Variants in RIMS2 observed in about 807,000 individuals in gnomAD.
The protein encoded by RIMS2 is regulating synaptic membrane exocytosis 2.
Under a neutral mutation model 174.4 loss-of-function variants are expected in RIMS2, and 59 were observed. The ratio of observed to expected loss-of-function variants is 0.34; its 90% CI spans 0.27 to 0.42. The LOEUF (loss-of-function observed/expected upper bound fraction) is 0.42, where lower values mean the gene tolerates loss of function less well. Among genes scored for constraint, RIMS2 ranks in the 10% least tolerant of loss-of-function variants. RIMS2 has a pLI of 1.00. For synonymous variants in RIMS2, 606 were observed against 572.5 expected (o/e 1.06, Z -0.84); for missense variants, 1,620 against 1,666.3 (o/e 0.97, Z 0.48).
At chr8:103,854,615 G>C (rs1016465635) in intron 3 of RIMS2, among the ~76,000 whole-genome samples, 5 of 151,724 alleles carry the variant, frequency 3.3e-5, no homozygotes, top group African/African-American at 1.2e-4. Context: ...TGCATCTATT[G>C]AGATGAACAT....
At chr8:104,151,565 C>A (rs1390445182) in intron 19 of RIMS2, among the ~76,000 whole-genome samples, 1 of 141,524 alleles carries the variant, frequency 7.1e-6, no homozygotes, top group South Asian at 2.5e-4. Context: ...GAGACTCTGT[C>A]CTGCACTCCC....
chr8:103,510,186 C>A (rs1363767779), intron 1 of RIMS2, among the ~76,000 whole-genome samples: 1 of 152,094 alleles, frequency 6.6e-6, no homozygotes, highest in African/African-American at 2.4e-5. Context: ...AAAGGATACA[C>A]TAAACAATAT....
chr8:104,230,955 G>C (rs1001367691), intron 19 of RIMS2, among the ~76,000 whole-genome samples: 5 of 152,018 alleles, frequency 3.3e-5, no homozygotes, highest in Admixed American at 2.6e-4. Flanking sequence ...ATTTTAAAAT[G>C]TTGGCACATG....
chr8:103,585,295 T>C (rs2093848589), intron 1 of RIMS2, among the ~76,000 whole-genome samples: 1 of 151,884 alleles, frequency 6.6e-6, no homozygotes. Flanking sequence ...TTGGTGGGAG[T>C]GTAAATTAGT....
intron 17 of RIMS2, among the ~76,000 whole-genome samples, chr8:104,012,358 T>C (rs1262048484): frequency 1.1e-4 from 16 of 148,790 alleles, no homozygotes; most frequent in Non-Finnish European, 1.9e-4. Context: ...TTTTTTCTTT[T>C]TTTTTTTTTT....
In RIMS2 at chr8:103,602,233, C is replaced by T. The variant is rs565067687; in HGVS notation, c.177-94853C>T. 9.9e-5 allele frequency among the ~76,000 whole-genome samples: 15 copies of T among 152,180 alleles called. 1 individual carries two copies. The highest frequency in any genetic ancestry group is 4.2e-4 in the South Asian group (2 of 4,814). On this transcript the variant is annotated intron_variant, in intron 1 of 23. Coordinates refer to ENST00000504942, the Ensembl canonical transcript of RIMS2. ...CAATCTCCTGACCTCATGATCCGCC[C>T]GCCTCGGCCTCCCAAAGTACTGGGA... is the stretch of plus-strand genomic sequence containing the variant.
chr8:103,786,906 A>G (rs533485029), intron 3 of RIMS2, among the ~76,000 whole-genome samples: 9 of 151,902 alleles, frequency 5.9e-5, no homozygotes, highest in African/African-American at 1.9e-4. Flanking sequence ...GTGGGAGTCT[A>G]AGTCTCTTTG....
intron 3 of RIMS2, among the ~76,000 whole-genome samples, chr8:103,875,618 A>C (rs543974750): frequency 1.3e-5 from 2 of 152,078 alleles, no homozygotes; most frequent in South Asian, 4.1e-4. Context: ...CTTTGGATAG[A>C]TACTCTCAGT....
At chr8:103,943,026 A>C in intron 14 of RIMS2, 100 bp downstream of exon 16, 1 of 849,450 alleles carries the variant, frequency 1.2e-6, no homozygotes, top group Non-Finnish European at 1.8e-6. Flanking sequence ...GAATATTAAT[A>C]GTCATTTGTT....
intron 1 of RIMS2, among the ~76,000 whole-genome samples, chr8:103,544,612 G>A (rs911750173): frequency 3.3e-5 from 5 of 152,220 alleles, no homozygotes; most frequent in Non-Finnish European, 5.9e-5. Flanking sequence ...CCTGAACTCT[G>A]TGTGCAGCCA....
chr8:103,964,820 T>G (rs550960790), intron 15 of RIMS2, among the ~76,000 whole-genome samples: 2 of 152,344 alleles, frequency 1.3e-5, no homozygotes, highest in Admixed American at 6.5e-5. Context: ...ACATATCTGA[T>G]GCATTTTTGA....
At chr8:104,223,462 G>A (rs1349897246) in intron 19 of RIMS2, 1 of 1,375,858 alleles carries the variant, frequency 7.3e-7, no homozygotes, top group Admixed American at 3.4e-5. Flanking sequence ...CAATAAATTG[G>A]AGGTCCCGGC....
chr8:103,766,096 T>C lies in RIMS2; in HGVS notation c.388-131T>C, dbSNP rs575348074. 4.5e-5 allele frequency: 25 copies of C among 559,556 alleles called. No homozygotes were observed. In the South Asian group the frequency reaches 6.9e-4, roughly 15 times the overall value. 34.7% of individuals were successfully genotyped at this position (559,556 alleles called of 1,614,324 possible). ...TATATTATTTAATTTACAGTAGCAGTGAATTAGGATTATGTTTTAACTTCA... is the reference window on the plus strand; with the variant it reads ...TATATTATTTAATTTACAGTAGCAGCGAATTAGGATTATGTTTTAACTTCA... On this transcript the variant is annotated intron_variant, in intron 2 of 23. Coordinates refer to ENST00000504942, the Ensembl canonical transcript of RIMS2.
intron 1 of RIMS2, among the ~76,000 whole-genome samples, chr8:103,522,523 T>C (rs1832217061): frequency 6.6e-6 from 1 of 152,104 alleles, no homozygotes; most frequent in Non-Finnish European, 1.5e-5. Context: ...CAATGAAGCC[T>C]GGGCCAAGGT....
chr8:103,742,777 C>T (rs1182835884), intron 2 of RIMS2, among the ~76,000 whole-genome samples: 1 of 152,088 alleles, frequency 6.6e-6, no homozygotes, highest in East Asian at 1.9e-4. Context: ...AACAACGATG[C>T]CTCAAGGGCA....
chr8:103,897,199 A>G (rs1170767163), intron 4 of RIMS2, among the ~76,000 whole-genome samples: 5 of 151,542 alleles, frequency 3.3e-5, no homozygotes, highest in African/African-American at 7.3e-5. Flanking sequence ...GTTTGTATAT[A>G]TTCTTACTTC....
At chr8:103,525,831 C>T (rs1202218609) in intron 1 of RIMS2, among the ~76,000 whole-genome samples, 1 of 152,072 alleles carries the variant, frequency 6.6e-6, no homozygotes, top group African/African-American at 2.4e-5. Flanking sequence ...TTGAGAGGTG[C>T]ACTTCTGATG....
chr8:104,218,349 C>T (rs1206250415), intron 19 of RIMS2, among the ~76,000 whole-genome samples: 1 of 151,992 alleles, frequency 6.6e-6, no homozygotes, highest in Admixed American at 6.6e-5. Context: ...TCTTCCCTTC[C>T]CTTGGTATTA....
chr8:104,253,656 C>T (rs2099363829), downstream of RIMS2: 1 of 152,150 alleles, frequency 6.6e-6, no homozygotes, highest in African/African-American at 2.4e-5. Context: ...GAGGAAAAGT[C>T]ACTGGTTATT....
Sources: gnomAD v4.1 joint callset for allele counts (sites outside exome capture counted in the v4.1 genomes callset) on GRCh38, gnomAD v4.1.1 for gene constraint, MANE v1.5 for transcripts, NCBI Gene and HGNC (gene_info 2026-07-23, HGNC 2026-07-21) for gene names.